Variants in BLMH observed in about 807,000 individuals in gnomAD.
BLMH encodes BLM hydrolase.
In BLMH, 32 loss-of-function variants were observed where a neutral mutation model predicts 61.6. That is an observed-to-expected ratio of 0.52 (90% CI 0.39 to 0.70). The LOEUF is 0.70. Among genes scored for constraint, BLMH ranks in the 30% least tolerant of loss-of-function variants. The pLI, the probability that BLMH is intolerant of heterozygous loss-of-function variation, is 0.00. For synonymous variants in BLMH, 183 were observed against 193.8 expected, an observed-to-expected ratio of 0.94 and a Z score of 0.46; for missense variants, 460 against 555.5, an observed-to-expected ratio of 0.83 and a Z score of 1.73.
chr17:30,258,813 GC>G (rs1311439515), intron 11 of BLMH, among the ~76,000 whole-genome samples: 1 of 152,086 alleles, frequency 6.6e-6, no homozygotes, highest in Admixed American at 6.5e-5. Context: ...CCAAACTATC[GC>G]TACTCCTATT....
In BLMH at chr17:30,249,021, T is replaced by C; in HGVS notation, c.1364A>G (p.Glu455Gly). The change falls in exon 12 of 12, where the codon GAG (glutamate) becomes GGG (glycine). Residue 455 changes from glutamate to glycine, a missense_variant. Around this residue, in one of 5 missense-constraint regions of BLMH, gnomAD observed 310 missense variants for 371.1 expected, o/e 0.84. Coordinates refer to ENST00000261714, the MANE Select transcript of BLMH (RefSeq NM_000386.4). ...GGAAAGAGCTGGAGGGCAGTATCAC[T>C]CAGCCAAAGCTCCCATGGGGTCCCA... ...PAWDPMGALA[E>G] 6.2e-7 allele frequency: 1 copy of C among 1,613,972 alleles called. No homozygotes were observed. The highest frequency in any genetic ancestry group is 1.7e-5 in the Admixed American group (1 of 60,016).
At chr17:30,255,688 G>A (rs1907793318) in intron 11 of BLMH, among the ~76,000 whole-genome samples, 1 of 152,192 alleles carries the variant, frequency 6.6e-6, no homozygotes, top group African/African-American at 2.4e-5. Context: ...CACAAGGTCA[G>A]GAGTTCGAGA....
At chr17:30,250,782 C>A (rs544917207) in intron 11 of BLMH, among the ~76,000 whole-genome samples, 2 of 152,170 alleles carry the variant, frequency 1.3e-5, no homozygotes, top group Non-Finnish European at 2.9e-5. Context: ...CACATGCACA[C>A]GCATGCTTAT....
intron 6 of BLMH, among the ~76,000 whole-genome samples, chr17:30,277,074 T>C (rs1366408769): frequency 6.6e-6 from 1 of 152,236 alleles, no homozygotes; most frequent in Non-Finnish European, 1.5e-5. Context: ...CAGAAGCAAG[T>C]TAACTTAGAG....
At chr17:30,253,605 T>G (rs1907730328) in intron 11 of BLMH, among the ~76,000 whole-genome samples, 1 of 152,148 alleles carries the variant, frequency 6.6e-6, no homozygotes, top group African/African-American at 2.4e-5. Context: ...CGGCTGGCCC[T>G]TTTGACTTGC....
intron 11 of BLMH, among the ~76,000 whole-genome samples, chr17:30,266,642 G>T (rs562806028): frequency 6.6e-6 from 1 of 152,266 alleles, no homozygotes; most frequent in East Asian, 1.9e-4. Flanking sequence ...AGAGGGGAGG[G>T]TCAACACAGT....
chr17:30,276,522 T>G (rs923730726), intron 6 of BLMH, among the ~76,000 whole-genome samples: 7 of 152,190 alleles, frequency 4.6e-5, no homozygotes, highest in African/African-American at 1.7e-4. Flanking sequence ...TTATAGCATC[T>G]AGCAGTGCTG....
chr17:30,254,606 T>C (rs1907763870), intron 11 of BLMH, among the ~76,000 whole-genome samples: 2 of 152,084 alleles, frequency 1.3e-5, no homozygotes, highest in African/African-American at 4.8e-5. Context: ...AAAAAAACCA[T>C]GAAAAACAAT....
intron 11 of BLMH, chr17:30,251,951 AAAATT>A (rs1228175792): frequency 1.6e-4 from 24 of 152,228 alleles, no homozygotes; most frequent in Non-Finnish European, 2.8e-4. Context: ...TTTGAGGAAA[AAAATT>A]ATATTATGTA....
intron 4 of BLMH, 51 bp downstream of exon 4, chr17:30,287,755 G>A: frequency 6.2e-7 from 1 of 1,601,276 alleles, no homozygotes; most frequent in Non-Finnish European, 8.5e-7. Context: ...CCTAACTACA[G>A]GCTTACTTAA....
intron 11 of BLMH, among the ~76,000 whole-genome samples, chr17:30,256,918 T>C (rs1907833498): frequency 6.6e-6 from 1 of 152,208 alleles, no homozygotes; most frequent in African/African-American, 2.4e-5. Context: ...AAGCATGACC[T>C]AATACCTCCT....
chr17:30,289,381 A>C lies in BLMH; in HGVS notation c.313T>G (p.Trp105Gly). 1.9e-6 allele frequency: 3 copies of C among 1,591,306 alleles called. No individual in the cohort carries two copies. The highest frequency in any genetic ancestry group is 1.3e-5 in the African/African-American group (1 of 74,384). ...CCAGATCTGTCCCATACCTTGTCCC[A>C]AAAAAACAGGTAAGATTGGCTAAAC... Reference protein sequence around the residue: ...FEFSQSYLFFWDKVERCYFFL... With the variant: ...FEFSQSYLFFGDKVERCYFFL... Residue 105 changes from tryptophan to glycine, a missense_variant, in exon 3 of 12, where the codon TGG becomes GGG. By Grantham distance (184) the Trp-to-Gly change is radical. Around this residue, in one of 5 missense-constraint regions of BLMH, gnomAD observed 43 missense variants for 38.8 expected, o/e 1.11. Coordinates refer to ENST00000261714, the MANE Select transcript of BLMH (RefSeq NM_000386.4).
intron 11 of BLMH, among the ~76,000 whole-genome samples, chr17:30,255,389 C>T (rs763971846): frequency 1.3e-5 from 2 of 152,104 alleles, no homozygotes; most frequent in Non-Finnish European, 2.9e-5. Context: ...CCTAATGACG[C>T]ATTTCAGAAA....
intron 2 of BLMH, among the ~76,000 whole-genome samples, chr17:30,290,024 A>C (rs1250916148): frequency 6.6e-6 from 1 of 152,224 alleles, no homozygotes; most frequent in Non-Finnish European, 1.5e-5. Flanking sequence ...TATACAAGAA[A>C]AATATTTACT....
At chr17:30,279,814 A>T (rs1410641471) in intron 6 of BLMH, among the ~76,000 whole-genome samples, 1 of 152,214 alleles carries the variant, frequency 6.6e-6, no homozygotes, top group Non-Finnish European at 1.5e-5. Context: ...AAAAATAAAA[A>T]AACAAATCTC....
intron 5 of BLMH, among the ~76,000 whole-genome samples, 175 bp downstream of exon 5, chr17:30,286,639 C>T (rs1302635253): frequency 6.6e-6 from 1 of 152,102 alleles, no homozygotes; most frequent in Non-Finnish European, 1.5e-5. Context: ...GAAAAACCCT[C>T]TAATATTAAT....
intron 11 of BLMH, among the ~76,000 whole-genome samples, chr17:30,252,666 G>A (rs1907704593): frequency 6.6e-6 from 1 of 152,052 alleles, no homozygotes; most frequent in Admixed American, 6.6e-5. Flanking sequence ...GGAATGGTAG[G>A]GGTTGGGAGT....
intron 11 of BLMH, among the ~76,000 whole-genome samples, chr17:30,253,443 T>C (rs1042638409): frequency 4.6e-5 from 7 of 152,216 alleles, no homozygotes; most frequent in East Asian, 1.9e-4. Flanking sequence ...ACAGTCTAGG[T>C]AGCTGCCAAG....
At position 30,274,046 on chromosome 17, in the gene BLMH, T is replaced by C. The variant is rs768585859; in HGVS notation, c.797A>G (p.Asp266Gly). The change falls in exon 7 of 12, where the codon GAT becomes GGT. Residue 266 changes from aspartate (D) to glycine (G), a missense_variant. This residue lies in a region of BLMH where 310 missense variants were observed against 371.1 expected (regional missense o/e 0.84). Coordinates refer to ENST00000261714, the MANE Select transcript of BLMH (RefSeq NM_000386.4). ...EHVKPLFNME[D>G]KICLVNDPRP... ...CTACCAGTGCCATTCACCAACCTTA[T>C]CTTCCATATTGAAGAGTGGCTTGAC... 3 of 1,614,150 alleles carry C rather than the reference T, an allele frequency of 1.9e-6. No individual in the cohort carries two copies. The highest frequency in any genetic ancestry group is 2.5e-6 in the Non-Finnish European group (3 of 1,180,002).
Sources: allele counts gnomAD v4.1 joint callset (sites outside exome capture counted in the v4.1 genomes callset), GRCh38; gene constraint gnomAD v4.1.1; regional missense constraint gnomAD v4.1.1; transcripts MANE v1.5; gene names NCBI Gene and HGNC (gene_info 2026-07-23, HGNC 2026-07-21).